The following CLCNKB variants were observed in gnomAD, a reference collection of about 807,000 sequenced individuals.
CLCNKB encodes chloride voltage-gated channel Kb.
A neutral mutation model predicts 83.8 loss-of-function variants in CLCNKB; 74 were observed. That is an observed-to-expected ratio of 0.88 (90% CI 0.73 to 1.07). The LOEUF (loss-of-function observed/expected upper bound fraction) is 1.07, where lower values mean the gene tolerates loss of function less well. CLCNKB is among the 50% of genes least tolerant of loss of function. The pLI is 0.00. For synonymous variants in CLCNKB, 358 were observed against 356.6 expected, an observed-to-expected ratio of 1.00 and a Z score of -0.04; for missense variants, 798 against 893.6, an observed-to-expected ratio of 0.89 and a Z score of 1.36.
intron 3 of CLCNKB, 39 bp downstream of exon 3, chr1:16,045,725 A>C: frequency 7.1e-7 from 1 of 1,402,074 alleles, no homozygotes; most frequent in South Asian, 1.1e-5. Context: ...GGGCCAAGGG[A>C]TTCTGAGCTC....
Position 16,048,043 on chromosome 1 carries a change from T to A in CLCNKB, c.497T>A (p.Val166Glu). 6.2e-7 allele frequency: 1 copy of A among 1,613,268 alleles called. No homozygotes were observed. The highest frequency in any genetic ancestry group is 8.5e-7 in the Non-Finnish European group (1 of 1,179,580). ...GGCAGCACCCTCTTCCTCGGGAAAG[T>A]GGTATGGGCAGGGGTGAGGGCATCC... is the stretch of plus-strand genomic sequence containing the variant. ...ACGSTLFLGK[V>E]GPFVHLSVMM... Residue 166 changes from valine (V) to glutamate (E), a missense_variant and splice_region_variant, in exon 5 of 20, where the codon GTG becomes GAG. Coordinates refer to ENST00000375679, the MANE Select transcript of CLCNKB (RefSeq NM_000085.5).
intron 3 of CLCNKB, 93 bp from the exon 4 acceptor site, chr1:16,046,442 C>G: frequency 1.3e-6 from 2 of 1,566,662 alleles, no homozygotes; most frequent in South Asian, 2.3e-5. Context: ...CTCTTCGTGA[C>G]TCCATTTCCT....
chr1:16,050,996 A>G lies in CLCNKB; in HGVS notation c.1175A>G (p.Tyr392Cys). ...LDPQHLWWEW[Y>C]HPRFTIFGTL... ...CCCCAGCACCTGTGGTGGGAATGGT[A>G]CCACCCGCGGTTCACCATCTTTGGG... Residue 392 changes from tyrosine (Y) to cysteine (C), a missense_variant, in exon 12 of 20, where the codon TAC becomes TGC. Tyr to Cys is a radical substitution (Grantham distance 194). Coordinates refer to ENST00000375679, the MANE Select transcript of CLCNKB (RefSeq NM_000085.5). The G allele has an allele frequency of 6.2e-7, 1 of 1,614,026 alleles. No homozygotes were observed. The highest frequency in any genetic ancestry group is 8.5e-7 in the Non-Finnish European group (1 of 1,180,002).
rs138811867 is a variant in CLCNKB at position 16,044,238 on chromosome 1, CAG to C, written c.-7-247_-7-246del. On this transcript the variant is annotated intron_variant, in intron 1 of 19. Coordinates refer to ENST00000375679, the MANE Select transcript of CLCNKB (RefSeq NM_000085.5). ...CCTGTGCCCAGTCTGCTGCTGGACA[CAG>C]GGGGACACCTAGGAATCCCACCCCC... Among the ~76,000 whole-genome samples the C allele has an allele frequency of 0.54, 82,602 of 151,728 alleles. 24,591 individuals are homozygous for C. Among genetic ancestry groups the C allele is most frequent in the East Asian group, 0.7 (3,610 of 5,144 alleles).
intron 12 of CLCNKB, 142 bp downstream of exon 12, chr1:16,051,190 T>A: frequency 1.5e-6 from 2 of 1,321,090 alleles, no homozygotes; most frequent in Non-Finnish European, 2.1e-6. Context: ...TGCATGGTCC[T>A]GGACAAGTGG....
Position 16,048,038 on chromosome 1 carries a change from G to T in CLCNKB, c.492G>T (p.Gly164=), listed in dbSNP as rs2014562. The T allele has an allele frequency of 6.2e-7, 1 of 1,613,522 alleles. No homozygotes were observed. The highest frequency in any genetic ancestry group is 8.5e-7 in the Non-Finnish European group (1 of 1,179,782). ...CCTGTGGCAGCACCCTCTTCCTCGG[G>T]AAAGTGGTATGGGCAGGGGTGAGGG... ...TLACGSTLFL[G]KVGPFVHLSV... The change falls in exon 5 of 20, where the codon GGG becomes GGT. Residue 164 remains glycine (G), a synonymous_variant. Transcript: ENST00000375679.
At chr1:16,052,113 G>C in intron 14 of CLCNKB, 85 bp from the exon 15 acceptor site, 2 of 1,536,556 alleles carry the variant, frequency 1.3e-6, no homozygotes, top group Non-Finnish European at 1.8e-6. Context: ...TCACACCTTA[G>C]CCCCTGGTCG....
At chr1:16,048,741 GGA>G in intron 7 of CLCNKB, 159 bp downstream of exon 7, 1 of 1,475,612 alleles carries the variant, frequency 6.8e-7, no homozygotes, top group Non-Finnish European at 9.0e-7. Context: ...CCCACCGGGG[GGA>G]GGGGGGGCGG....
Position 16,048,388 on chromosome 1 carries a change from C to G in CLCNKB, c.544C>G (p.Arg182Gly). 6.2e-7 allele frequency: 1 copy of G among 1,613,952 alleles called. No individual in the cohort carries two copies. The highest frequency in any genetic ancestry group is 8.5e-7 in the Non-Finnish European group (1 of 1,180,006). The change falls in exon 6 of 20, where the codon CGT (arginine) becomes GGT (glycine). Residue 182 changes from arginine to glycine, a missense_variant. By Grantham distance (125) the Arg-to-Gly change is moderately radical. Transcript: ENST00000375679. ...LSVMMAAYLG[R>G]VRTTTIGEPE... ...TGTGATGATGGCTGCCTACCTGGGC[C>G]GTGTGCGCACCACGACCATCGGGGA...
chr1:16,053,427 G>T (rs1350172884), intron 15 of CLCNKB, among the ~76,000 whole-genome samples: 1 of 152,144 alleles, frequency 6.6e-6, no homozygotes, highest in East Asian at 1.9e-4. Context: ...CCAGGGGGCT[G>T]GGAATTCGCA....
At chr1:16,049,353 C>T (rs2023208111) in intron 8 of CLCNKB, 108 bp downstream of exon 8, 2 of 1,545,428 alleles carry the variant, frequency 1.3e-6, no homozygotes, top group South Asian at 2.5e-5. Flanking sequence ...CTCTCTCTCC[C>T]TCTTTTTCCT....
In CLCNKB at chr1:16,048,591, C is replaced by G. The variant is rs1266460724; in HGVS notation, c.655+9C>G. The stretch of plus-strand genomic sequence containing the variant: ...TGCAGCTCCCTTCAGCGGTGAGACC[C>G]CTTCATGCCCCGCCCCCTGGGTCCC... On this transcript the variant is annotated intron_variant, in intron 7 of 19. Transcript: ENST00000375679. The G allele has an allele frequency of 1.2e-6, 2 of 1,613,178 alleles. No individual in the cohort carries two copies. The highest frequency in any genetic ancestry group is 1.7e-6 in the Non-Finnish European group (2 of 1,179,538).
chr1:16,055,720 G>A lies in CLCNKB; in HGVS notation c.1891G>A (p.Val631Met). The A allele has an allele frequency of 6.2e-7, 1 of 1,613,924 alleles. No homozygotes were observed. Residue 631 changes from valine (V) to methionine (M), a missense_variant, in exon 18 of 20, where the codon GTG becomes ATG. Coordinates refer to ENST00000375679, the MANE Select transcript of CLCNKB (RefSeq NM_000085.5). ...ILAAGCPTEP[V>M]TLKLSPETSL... ...GGCTGCAGGCTGCCCCACAGAACCA[G>A]TGACCCTGAAGCTGTCCCCAGAGAC... is the stretch of plus-strand genomic sequence containing the variant.
chr1:16,052,485 G>A lies in CLCNKB; in HGVS notation c.1622+74G>A, dbSNP rs56327038. On this transcript the variant is annotated intron_variant, in intron 15 of 19. Coordinates refer to ENST00000375679, the MANE Select transcript of CLCNKB (RefSeq NM_000085.5). ...GAAGGGCTGGGGTGAAGGGCACCTC[G>A]AAAAAGAAACGCCACCGTAGCTGAC... The A allele has an allele frequency of 1.6e-5, 25 of 1,593,214 alleles. 1 individual carries two copies. Among genetic ancestry groups the A allele is most frequent in the East Asian group, 6.7e-5 (3 of 44,544 alleles).
rs1345354024 is a variant in CLCNKB at position 16,044,561 on chromosome 1, C to T, written c.69C>T (p.Gly23=). The change falls in exon 2 of 20, where the codon GGC becomes GGT. Residue 23 remains glycine, a synonymous_variant. Coordinates refer to ENST00000375679, the MANE Select transcript of CLCNKB (RefSeq NM_000085.5). ...GNPVTLQELW[G]PCPRIRRGIR... is the part of the protein sequence containing the mutation. ...CTGTGACTCTGCAGGAGCTGTGGGG[C>T]CCCTGTCCCCGCATCCGCCGAGGCA... is the stretch of plus-strand genomic sequence containing the variant. The T allele has an allele frequency of 1.2e-6, 2 of 1,605,522 alleles. No homozygotes were observed. The highest frequency in any genetic ancestry group is 1.7e-6 in the Non-Finnish European group (2 of 1,176,882).
At chr1:16,048,861 C>T in intron 7 of CLCNKB, 1 of 1,441,684 alleles carries the variant, frequency 6.9e-7, no homozygotes, top group Admixed American at 2.8e-5. Flanking sequence ...CCGGCTTCCT[C>T]CTCTACAAAA....
intron 3 of CLCNKB, among the ~76,000 whole-genome samples, 171 bp downstream of exon 3, chr1:16,045,857 C>A (rs2023085925): frequency 6.6e-6 from 1 of 152,190 alleles, no homozygotes; most frequent in African/African-American, 2.4e-5. Context: ...GGCTCCTGCC[C>A]CTCTCTGGGC....
rs781733931 is a variant in CLCNKB, at chr1:16,056,454, T to C, written c.1962T>C (p.His654=). The C allele has an allele frequency of 6.2e-7, 1 of 1,613,770 alleles. No homozygotes were observed. The highest frequency in any genetic ancestry group is 1.7e-5 in the Admixed American group (1 of 59,976). Residue 654 remains histidine, a synonymous_variant, in exon 19 of 20, where the codon CAT becomes CAC. Transcript: ENST00000375679. ...ACCTCTTTGAGCTGTTGAACCTTCA[T>C]TCCCTCTTTGTGACGTCGCGGGGCA... is the stretch of plus-strand genomic sequence containing the variant. ...AHNLFELLNL[H]SLFVTSRGRA...
chr1:16,045,086 G>A (rs766791091), intron 2 of CLCNKB, among the ~76,000 whole-genome samples: 7 of 136,620 alleles, frequency 5.1e-5, no homozygotes, highest in Non-Finnish European at 1.1e-4. Flanking sequence ...CAGCCAGTGA[G>A]GGCCAGCTCC....
Sources: allele counts gnomAD v4.1 joint callset (sites outside exome capture counted in the v4.1 genomes callset), GRCh38; gene constraint gnomAD v4.1.1; transcripts MANE v1.5; gene names NCBI Gene and HGNC (gene_info 2026-07-23, HGNC 2026-07-21).